Variants in CDC42SE2 observed in about 807,000 individuals in gnomAD.
The protein encoded by CDC42SE2 is CDC42 small effector protein 2.
CDC42SE2 carries 3 observed loss-of-function variants against 11.5 expected under a neutral mutation model. That is an observed-to-expected ratio of 0.26 (90% confidence interval 0.12 to 0.67). The LOEUF is 0.67. Among genes scored for constraint, CDC42SE2 ranks in the 30% least tolerant of loss-of-function variants. CDC42SE2 has a pLI of 0.80. For synonymous variants in CDC42SE2, 33 were observed against 34.8 expected, an observed-to-expected ratio of 0.95 and a Z score of 0.18; for missense variants, 82 against 106.8, an observed-to-expected ratio of 0.77 and a Z score of 1.02.
chr5:131,235,101 T>C, the CDC42SE2 span, among the ~76,000 whole-genome samples: 1 of 151,824 alleles, frequency 6.6e-6, no homozygotes, highest in Non-Finnish European at 1.5e-5. Flanking sequence ...TTGTTGGCCA[T>C]GCTGTTCTCA....
intron 1 of CDC42SE2, among the ~76,000 whole-genome samples, chr5:131,309,453 G>T (rs1234871769): frequency 6.6e-6 from 1 of 151,940 alleles, no homozygotes; most frequent in African/African-American, 2.4e-5. Context: ...GAATGATGCT[G>T]GCCTCATAAA....
intron 1 of CDC42SE2, among the ~76,000 whole-genome samples, chr5:131,290,045 C>T (rs1235398063): frequency 1.3e-5 from 2 of 152,112 alleles, no homozygotes; most frequent in African/African-American, 2.4e-5. Flanking sequence ...CAGGGTCTCA[C>T]TATGTTGCCC....
At chr5:131,370,974 T>TG (rs1749999325) in intron 3 of CDC42SE2, among the ~76,000 whole-genome samples, 1 of 152,164 alleles carries the variant, frequency 6.6e-6, no homozygotes, top group Non-Finnish European at 1.5e-5. Context: ...AACTCAAAAT[T>TG]GCATTATTTT....
the CDC42SE2 span, among the ~76,000 whole-genome samples, chr5:131,227,917 C>A: frequency 6.6e-6 from 1 of 151,596 alleles, no homozygotes; most frequent in Non-Finnish European, 1.5e-5. Flanking sequence ...GCTGGGCGTA[C>A]TGGCTCATGC....
chr5:131,361,806 G>A (rs1278708487), intron 3 of CDC42SE2, among the ~76,000 whole-genome samples: 1 of 152,110 alleles, frequency 6.6e-6, no homozygotes, highest in East Asian at 1.9e-4. Context: ...TAACTGCCCC[G>A]GCCAAACTCC....
At chr5:131,222,696 C>T in the CDC42SE2 span, among the ~76,000 whole-genome samples, 1 of 152,206 alleles carries the variant, frequency 6.6e-6, no homozygotes, top group Middle Eastern at 3.2e-3. Context: ...CTATCTGCTC[C>T]TTATGCAGTT....
intron 1 of CDC42SE2, among the ~76,000 whole-genome samples, chr5:131,276,589 C>G (rs1052247925): frequency 1.3e-5 from 2 of 152,104 alleles, no homozygotes; most frequent in Non-Finnish European, 2.9e-5. Context: ...GTATAATATG[C>G]AATAATTTAT....
At chr5:131,272,101 C>G (rs1757005842) in intron 1 of CDC42SE2, among the ~76,000 whole-genome samples, 1 of 152,144 alleles carries the variant, frequency 6.6e-6, no homozygotes, top group Admixed American at 6.6e-5. Flanking sequence ...ACTTCTGCCT[C>G]CCAGGTTCAA....
chr5:131,389,878 CCTT>C (rs1750596188), intron 4 of CDC42SE2, among the ~76,000 whole-genome samples: 1 of 152,206 alleles, frequency 6.6e-6, no homozygotes, highest in East Asian at 1.9e-4. Flanking sequence ...TGCTTGTGTT[CCTT>C]CTTCTAGCAG....
At chr5:131,388,849 G>A (rs926732633) in intron 4 of CDC42SE2, among the ~76,000 whole-genome samples, 4 of 152,052 alleles carry the variant, frequency 2.6e-5, no homozygotes, top group Admixed American at 2.6e-4. Flanking sequence ...TTTGTGTTTG[G>A]TTGGTTTTGG....
intron 2 of CDC42SE2, among the ~76,000 whole-genome samples, chr5:131,350,491 TTAAG>T (rs1375289638): frequency 3.3e-5 from 5 of 152,050 alleles, no homozygotes; most frequent in Non-Finnish European, 4.4e-5. Context: ...GAAATGTTTC[TTAAG>T]TAAGATAAAA....
intron 1 of CDC42SE2, among the ~76,000 whole-genome samples, chr5:131,278,233 C>T (rs1383870717): frequency 6.6e-6 from 1 of 152,160 alleles, no homozygotes; most frequent in Non-Finnish European, 1.5e-5. Context: ...GAGATCCCGC[C>T]TGGGCCTCCC....
At chr5:131,374,586 A>T (rs912729269) in intron 3 of CDC42SE2, among the ~76,000 whole-genome samples, 1 of 147,914 alleles carries the variant, frequency 6.8e-6, no homozygotes, top group South Asian at 2.1e-4. Context: ...TTGTGACAGA[A>T]TTTTTTTTTT....
intron 3 of CDC42SE2, 37 bp downstream of exon 3, chr5:131,359,584 C>G (rs778142261): frequency 6.7e-7 from 1 of 1,487,370 alleles, no homozygotes; most frequent in Non-Finnish European, 9.4e-7. Context: ...AGGTGGGGTG[C>G]TTATTAAACT....
At chr5:131,309,234 A>G (rs2149722477) in intron 1 of CDC42SE2, among the ~76,000 whole-genome samples, 1 of 151,914 alleles carries the variant, frequency 6.6e-6, no homozygotes, top group African/African-American at 2.4e-5. Context: ...CTCTCTTTAT[A>G]TGCTGGATTA....
At chr5:131,294,967 A>T (rs1174102238) in intron 1 of CDC42SE2, among the ~76,000 whole-genome samples, 1 of 152,136 alleles carries the variant, frequency 6.6e-6, no homozygotes, top group Non-Finnish European at 1.5e-5. Flanking sequence ...CTATACTAGA[A>T]ATACAAAAAA....
In CDC42SE2 at chr5:131,365,913, C is replaced by T. The variant is rs185377588; in HGVS notation, c.54+6366C>T. On this transcript the variant is annotated intron_variant, in intron 3 of 4. Transcript: ENST00000505065. ...AGGAGAATGGTGTGAACCCGGGAAG[C>T]GGAGCTTGCAGTGAGTGGAGATTGC... 2.8e-3 allele frequency among the ~76,000 whole-genome samples: 423 copies of T among 152,230 alleles called. 2 individuals are homozygous for T. The highest frequency in any genetic ancestry group is 9.4e-3 in the African/African-American group (390 of 41,534).
At chr5:131,370,978 T>G (rs1749999532) in intron 3 of CDC42SE2, among the ~76,000 whole-genome samples, 1 of 152,212 alleles carries the variant, frequency 6.6e-6, no homozygotes, top group Non-Finnish European at 1.5e-5. Flanking sequence ...CAAAATTGCA[T>G]TATTTTTCAA....
At chr5:131,272,968 C>T (rs553346025) in intron 1 of CDC42SE2, among the ~76,000 whole-genome samples, 1 of 152,182 alleles carries the variant, frequency 6.6e-6, no homozygotes, top group Admixed American at 6.5e-5. Context: ...TTGTTTCTGG[C>T]ATATTACTGC....
Sources: allele counts gnomAD v4.1 joint callset (sites outside exome capture counted in the v4.1 genomes callset), GRCh38; gene constraint gnomAD v4.1.1; transcripts MANE v1.5; gene names NCBI Gene and HGNC (gene_info 2026-07-23, HGNC 2026-07-21).